Variants in IL33 observed in about 807,000 individuals in gnomAD.
The protein encoded by IL33 is interleukin 33, also known as interleukin-33.
A neutral mutation model predicts 27.3 loss-of-function variants in IL33; 37 were observed. The ratio of observed to expected loss-of-function variants is 1.36; its 90% CI spans 1.04 to 1.78. The LOEUF is 1.78. IL33 is among the 40% of genes most tolerant of loss of function. The pLI is 0.00. For missense variants in IL33, 406 were observed against 311.4 expected, an observed-to-expected ratio of 1.30 and a Z score of -2.29; for synonymous variants, 132 against 102.9, an observed-to-expected ratio of 1.28 and a Z score of -1.71.
At chr9:6,231,782 C>T (rs1260262549) in intron 1 of IL33, among the ~76,000 whole-genome samples, 1 of 152,092 alleles carries the variant, frequency 6.6e-6, no homozygotes, top group African/African-American at 2.4e-5. Context: ...TCATTTGTGC[C>T]CTCAGGATCT....
chr9:6,238,660 A>G (rs1451241186), intron 1 of IL33, among the ~76,000 whole-genome samples: 1 of 152,204 alleles, frequency 6.6e-6, no homozygotes, highest in Non-Finnish European at 1.5e-5. Context: ...GAAGCTCATA[A>G]GAGATTTAAA....
Position 6,256,028 on chromosome 9 carries a change from T to A in IL33, c.673T>A (p.Ser225Thr). The change falls in exon 8 of 8, where the codon TCC becomes ACC. Residue 225 changes from serine to threonine, a missense_variant. Transcript: ENST00000682010. ...QAFFVLHNMH[S>T]NCVSFECKTD... ...CTTCTTTGTCCTTCATAATATGCACTCCAACTGTGTTTCATTTGAATGCAA... is the reference window on the plus strand; with the variant it reads ...CTTCTTTGTCCTTCATAATATGCACACCAACTGTGTTTCATTTGAATGCAA... 6.2e-7 allele frequency: 1 copy of A among 1,613,742 alleles called. No individual in the cohort carries two copies. The highest frequency in any genetic ancestry group is 8.5e-7 in the Non-Finnish European group (1 of 1,179,692).
At chr9:6,234,199 C>T (rs552702188) in intron 1 of IL33, among the ~76,000 whole-genome samples, 12 of 152,336 alleles carry the variant, frequency 7.9e-5, no homozygotes, top group Admixed American at 2.6e-4. Flanking sequence ...CACTCCCACA[C>T]AATAAACTAT....
At chr9:6,250,380 C>T in intron 2 of IL33, 94 bp from the exon 3 acceptor site, 2 of 1,371,936 alleles carry the variant, frequency 1.5e-6, no homozygotes, top group Non-Finnish European at 2.0e-6. Context: ...TACTGTGAAC[C>T]TGTACTTGCT....
intron 4 of IL33, among the ~76,000 whole-genome samples, chr9:6,252,035 G>GAAAA (rs1285022798): frequency 2.2e-4 from 8 of 36,318 alleles, no homozygotes; most frequent in African/African-American, 3.7e-4. Flanking sequence ...GGCTGTCTCA[G>GAAAA]AAAAAAAACA....
Position 6,252,896 on chromosome 9 carries a change from C to T in IL33, c.374C>T (p.Ser125Phe), listed in dbSNP as rs189564093. The change falls in exon 5 of 8, where the codon TCT (serine) becomes TTT (phenylalanine). Residue 125 changes from serine (S) to phenylalanine (F), a missense_variant. Coordinates refer to ENST00000682010, the MANE Select transcript of IL33 (RefSeq NM_033439.4). ...TCACCTATTACAGAGTATCTTGCTTCTCTAAGCACATACAATGATCAATCC... is the reference window on the plus strand; with the variant it reads ...TCACCTATTACAGAGTATCTTGCTTTTCTAAGCACATACAATGATCAATCC... ...GISPITEYLA[S>F]LSTYNDQSIT... is the part of the protein sequence containing the mutation. 1.9e-5 allele frequency: 31 copies of T among 1,609,440 alleles called. No homozygotes were observed. In the East Asian group the frequency reaches 5.6e-4, roughly 29 times the overall value.
At chr9:6,229,391 T>G (rs370360050) in intron 1 of IL33, among the ~76,000 whole-genome samples, 10 of 152,160 alleles carry the variant, frequency 6.6e-5, no homozygotes, top group Non-Finnish European at 2.9e-5. Flanking sequence ...ACTGAATAAT[T>G]TGAAATGTTC....
chr9:6,227,179 T>A (rs953002070), intron 1 of IL33, among the ~76,000 whole-genome samples: 1 of 152,222 alleles, frequency 6.6e-6, no homozygotes, highest in Non-Finnish European at 1.5e-5. Context: ...TTGATCACCC[T>A]TCTATTGTGA....
chr9:6,226,925 A>G (rs967622580), intron 1 of IL33, among the ~76,000 whole-genome samples: 3 of 152,222 alleles, frequency 2.0e-5, no homozygotes, highest in Non-Finnish European at 2.9e-5. Flanking sequence ...GTAGCAGCTG[A>G]GTTCTTCAAG....
chr9:6,238,551 C>T (rs915271018), intron 1 of IL33, among the ~76,000 whole-genome samples: 5 of 152,268 alleles, frequency 3.3e-5, no homozygotes, highest in Admixed American at 2.6e-4. Context: ...GAGGTTTGTC[C>T]AGGGACAAAA....
intron 7 of IL33, 67 bp downstream of exon 7, chr9:6,254,620 A>C: frequency 3.3e-6 from 3 of 912,160 alleles, no homozygotes; most frequent in Non-Finnish European, 4.7e-6. Flanking sequence ...GACTCCACCA[A>C]CTTGTGTAGA....
At chr9:6,241,978 G>A (rs542049446) in intron 2 of IL33, among the ~76,000 whole-genome samples, 193 bp downstream of exon 2, 3 of 152,250 alleles carry the variant, frequency 2.0e-5, no homozygotes, top group Admixed American at 2.0e-4. Flanking sequence ...GCCAACTTTG[G>A]CATATTTGAT....
chr9:6,251,766 G>A (rs3858050), intron 4 of IL33, among the ~76,000 whole-genome samples: 1,533 of 151,526 alleles, frequency 0.01, 30 homozygotes, highest in African/African-American at 0.035. Context: ...TTGGCCAGGT[G>A]TGGTGGCTCA....
At chr9:6,223,910 A>G (rs1001325277) in intron 1 of IL33, among the ~76,000 whole-genome samples, 8 of 152,112 alleles carry the variant, frequency 5.3e-5, no homozygotes, top group East Asian at 3.9e-4. Context: ...CAGAGCATCT[A>G]TGATCTCTCT....
intron 1 of IL33, among the ~76,000 whole-genome samples, chr9:6,225,154 C>G (rs1265710582): frequency 6.6e-6 from 1 of 152,162 alleles, no homozygotes; most frequent in Admixed American, 6.5e-5. Context: ...GGAAACAAAT[C>G]AAGACTGCAT....
At chr9:6,219,634 CTT>C (rs1468770479) in intron 1 of IL33, among the ~76,000 whole-genome samples, 1 of 152,056 alleles carries the variant, frequency 6.6e-6, no homozygotes, top group Non-Finnish European at 1.5e-5. Flanking sequence ...ATTTTTTTCT[CTT>C]GTGTAAAATG....
At chr9:6,221,401 C>T (rs567070368) in intron 1 of IL33, among the ~76,000 whole-genome samples, 59 of 152,266 alleles carry the variant, frequency 3.9e-4, no homozygotes, top group African/African-American at 1.3e-3. Context: ...ACAGGTAATG[C>T]TTACATCTGG....
intron 1 of IL33, among the ~76,000 whole-genome samples, chr9:6,230,390 G>A (rs562068808): frequency 8.1e-4 from 123 of 152,238 alleles, no homozygotes; most frequent in African/African-American, 2.9e-3. Context: ...TGGAGGGTAG[G>A]GGACAGGAAG....
At position 6,256,217 on chromosome 9, in the gene IL33, G is replaced by A. The variant is rs372121915; in HGVS notation, c.*49G>A. 126 of 1,336,742 alleles carry A rather than the reference G, an allele frequency of 9.4e-5. No homozygotes were observed. The highest frequency in any genetic ancestry group is 1.3e-4 in the Non-Finnish European group (121 of 933,280). The allele number at this position is 1,336,742 out of a possible 1,614,324, so 82.8% of individuals were successfully genotyped here. ...GGTTGAGTACCCAAATGCTACCACT[G>A]GAGAAGGAATGAGAGATAAAGAAAG... On this transcript the variant is annotated 3_prime_UTR_variant, in exon 8 of 8. Transcript: ENST00000682010.
Sources: gnomAD v4.1 joint callset for allele counts (sites outside exome capture counted in the v4.1 genomes callset) on GRCh38, gnomAD v4.1.1 for gene constraint, MANE v1.5 for transcripts, NCBI Gene and HGNC (gene_info 2026-07-23, HGNC 2026-07-21) for gene names.